TRPM3: variants seen among roughly 807,000 people sequenced by gnomAD.
TRPM3 encodes the protein long transient receptor potential channel 3.
Under a neutral mutation model 181.2 loss-of-function variants are expected in TRPM3, and 77 were observed. That is an observed-to-expected ratio of 0.42 (90% confidence interval 0.35 to 0.51). The LOEUF (loss-of-function observed/expected upper bound fraction) is 0.51, where lower values mean the gene tolerates loss of function less well. Among genes scored for constraint, TRPM3 ranks in the 20% least tolerant of loss-of-function variants. TRPM3 has a pLI of 0.01. For synonymous variants in TRPM3, 745 were observed against 796.4 expected, an observed-to-expected ratio of 0.94 and a Z score of 1.09; for missense variants, 1,759 against 2,196.7, an observed-to-expected ratio of 0.80 and a Z score of 3.98.
intron 1 of TRPM3, among the ~76,000 whole-genome samples, chr9:71,440,292 CCAA>C (rs2094118629): frequency 1.3e-5 from 2 of 152,136 alleles, no homozygotes. Flanking sequence ...GACCAGGATT[CCAA>C]TCTAGATCTG....
intron 9 of TRPM3, among the ~76,000 whole-genome samples, chr9:70,676,093 CAT>C (rs2063938875): frequency 1.3e-5 from 2 of 152,288 alleles, no homozygotes; most frequent in Admixed American, 6.5e-5. Context: ...TGAGGAGAAA[CAT>C]ATTGTTTTGG....
intron 1 of TRPM3, among the ~76,000 whole-genome samples, chr9:71,030,668 G>A (rs1416481167): frequency 6.6e-6 from 1 of 151,930 alleles, no homozygotes; most frequent in Non-Finnish European, 1.5e-5. Context: ...ATTTTATATA[G>A]ATAAGGTTAT....
chr9:71,311,852 TATC>T (rs1186968161), intron 1 of TRPM3, among the ~76,000 whole-genome samples: 1 of 152,016 alleles, frequency 6.6e-6, no homozygotes, highest in Non-Finnish European at 1.5e-5. Flanking sequence ...AAGAAAATCT[TATC>T]ATGTTTTAAG....
intron 8 of TRPM3, among the ~76,000 whole-genome samples, chr9:70,691,122 T>C (rs914093818): frequency 6.6e-6 from 1 of 152,154 alleles, no homozygotes; most frequent in African/African-American, 2.4e-5. Context: ...TACTAGAAAA[T>C]TAATATCAGA....
At chr9:70,933,608 G>A (rs922053479) in intron 1 of TRPM3, among the ~76,000 whole-genome samples, 2 of 152,132 alleles carry the variant, frequency 1.3e-5, no homozygotes, top group Non-Finnish European at 2.9e-5. Context: ...TGGAAAAGGA[G>A]ATGGCAAGAA....
intron 1 of TRPM3, among the ~76,000 whole-genome samples, chr9:71,012,266 C>T (rs2097751861): frequency 1.3e-5 from 2 of 152,084 alleles, no homozygotes; most frequent in Admixed American, 1.3e-4. Context: ...AGAGATATTC[C>T]AATGATTAGA....
At chr9:70,801,258 G>A (rs2088910483) in intron 6 of TRPM3, among the ~76,000 whole-genome samples, 1 of 152,126 alleles carries the variant, frequency 6.6e-6, no homozygotes, top group African/African-American at 2.4e-5. Context: ...ATTTAAAAAG[G>A]GACCTGAGTT....
At chr9:71,270,630 T>G (rs1420728891) in intron 1 of TRPM3, among the ~76,000 whole-genome samples, 1 of 152,184 alleles carries the variant, frequency 6.6e-6, no homozygotes, top group African/African-American at 2.4e-5. Flanking sequence ...TCAGTGCAAC[T>G]GTCCCTTCCT....
At chr9:70,593,258 T>C (rs2058440947) in intron 21 of TRPM3, among the ~76,000 whole-genome samples, 3 of 152,220 alleles carry the variant, frequency 2.0e-5, no homozygotes, top group Non-Finnish European at 4.4e-5. Flanking sequence ...TTCTATAGTT[T>C]AGTGGTCTCA....
At chr9:71,140,615 T>C (rs2075039958) in intron 1 of TRPM3, among the ~76,000 whole-genome samples, 1 of 152,196 alleles carries the variant, frequency 6.6e-6, no homozygotes, top group Non-Finnish European at 1.5e-5. Flanking sequence ...CTTTCCTCAA[T>C]GAATGCCCTA....
intron 25 of TRPM3, among the ~76,000 whole-genome samples, chr9:70,541,572 T>C (rs1012499181): frequency 6.7e-6 from 1 of 149,510 alleles, no homozygotes; most frequent in South Asian, 2.1e-4. Flanking sequence ...AGTGGAGTGG[T>C]GCGATCTCGG....
chr9:71,234,603 G>A (rs1007010707), intron 1 of TRPM3, among the ~76,000 whole-genome samples: 4 of 152,074 alleles, frequency 2.6e-5, no homozygotes, highest in Admixed American at 2.0e-4. Context: ...GTCTTCACAA[G>A]GTCTTTCCTC....
intron 17 of TRPM3, among the ~76,000 whole-genome samples, chr9:70,616,757 G>A (rs2062849624): frequency 6.6e-6 from 1 of 151,996 alleles, no homozygotes; most frequent in South Asian, 2.1e-4. Flanking sequence ...TTACACACAA[G>A]CCCCAGGAGA....
intron 1 of TRPM3, chr9:70,865,363 G>A (rs2095627957): frequency 6.6e-6 from 1 of 152,122 alleles, no homozygotes; most frequent in African/African-American, 2.4e-5. Flanking sequence ...TGGCAGCGGA[G>A]TCTCCCATGA....
intron 1 of TRPM3, among the ~76,000 whole-genome samples, chr9:70,966,947 T>C (rs2097191360): frequency 6.6e-6 from 1 of 152,092 alleles, no homozygotes; most frequent in South Asian, 2.1e-4. Context: ...GTTCAGAAGA[T>C]TTAAATTTAA....
intron 6 of TRPM3, among the ~76,000 whole-genome samples, chr9:70,807,268 C>T (rs561012304): frequency 6.6e-6 from 1 of 152,260 alleles, no homozygotes; most frequent in South Asian, 2.1e-4. Context: ...GGTGCACTGG[C>T]TGCTGTAAAA....
chr9:70,533,897 T>A lies in TRPM3; in HGVS notation c.*2056A>T, dbSNP rs1183093593. The A allele has an allele frequency of 6.6e-6, 1 of 152,222 alleles. No individual in the cohort carries two copies. The highest frequency in any genetic ancestry group is 1.9e-4 in the East Asian group (1 of 5,200). 9.4% of individuals were successfully genotyped at this position (152,222 alleles called of 1,614,324 possible). ...TGAAATGCTTATTCAGAAGAGTTTT[T>A]ATTTTGTTTTTTATCTTATATTTAA... is the stretch of plus-strand genomic sequence containing the variant. On this transcript the variant is annotated 3_prime_UTR_variant, in exon 26 of 26. Coordinates refer to ENST00000677713, the MANE Select transcript of TRPM3 (RefSeq NM_001366145.2).
chr9:70,572,922 T>G (rs2052847639), intron 22 of TRPM3, among the ~76,000 whole-genome samples: 1 of 152,238 alleles, frequency 6.6e-6, no homozygotes, highest in African/African-American at 2.4e-5. Context: ...TTCTCAATCT[T>G]CTCAGCCCTA....
At chr9:71,442,256 A>G (rs1181240468) in intron 1 of TRPM3, among the ~76,000 whole-genome samples, 6 of 152,224 alleles carry the variant, frequency 3.9e-5, no homozygotes, top group Non-Finnish European at 8.8e-5. Flanking sequence ...GCATTAGTGG[A>G]AGCAAGAGTG....
Sources: allele counts gnomAD v4.1 joint callset (sites outside exome capture counted in the v4.1 genomes callset), GRCh38; gene constraint gnomAD v4.1.1; transcripts MANE v1.5; gene names NCBI Gene and HGNC (gene_info 2026-07-23, HGNC 2026-07-21).